Variants in LGR4 observed in about 807,000 individuals in gnomAD.
LGR4 encodes the protein leucine-rich repeat-containing G protein-coupled receptor 4.
A neutral mutation model predicts 84.8 loss-of-function variants in LGR4; 44 were observed. The ratio of observed to expected loss-of-function variants is 0.52; its 90% CI spans 0.41 to 0.67. LGR4 has a LOEUF of 0.67. Among genes scored for constraint, LGR4 ranks in the 30% least tolerant of loss-of-function variants. The pLI, the probability that LGR4 is intolerant of heterozygous loss-of-function variation, is 0.00. For missense variants in LGR4, 1,032 were observed against 1,131.4 expected, an observed-to-expected ratio of 0.91 and a Z score of 1.26; for synonymous variants, 429 against 434.3, an observed-to-expected ratio of 0.99 and a Z score of 0.15.
In LGR4 at chr11:27,385,479, C is replaced by A; in HGVS notation, c.402-11G>T. 2 of 1,552,362 alleles carry A rather than the reference C, an allele frequency of 1.3e-6. No homozygotes were observed. The highest frequency in any genetic ancestry group is 1.8e-6 in the Non-Finnish European group (2 of 1,136,908). ...TTGGCATCTAAACGCCTAACAGAAA[C>A]AAAAACAACCATGTTCAGTAACAAA... On this transcript the variant is annotated splice_polypyrimidine_tract_variant and intron_variant, in intron 4 of 17. Coordinates refer to ENST00000379214, the MANE Select transcript of LGR4 (RefSeq NM_018490.5).
At chr11:27,460,454 C>T (rs73448056) in intron 1 of LGR4, among the ~76,000 whole-genome samples, 1,669 of 152,266 alleles carry the variant, frequency 0.011, 30 homozygotes, top group African/African-American at 0.038. Flanking sequence ...CAGAGCAATA[C>T]CCAAATCCCC....
Position 27,382,209 on chromosome 11 carries a change from G to T in LGR4, c.737C>A (p.Ala246Asp). The T allele has an allele frequency of 6.2e-7, 1 of 1,608,932 alleles. No individual in the cohort carries two copies. The highest frequency in any genetic ancestry group is 8.5e-7 in the Non-Finnish European group (1 of 1,175,694). Residue 246 changes from alanine to aspartate, a missense_variant, in exon 7 of 18, where the codon GCC becomes GAC. Physicochemically the swap from Ala to Asp is moderately radical, Grantham distance 126. Transcript: ENST00000379214. Reference protein sequence around the residue: ...NLGEFPQAIKALPSLKELGFH... With the variant: ...NLGEFPQAIKDLPSLKELGFH... ...TCACAGCTCTTTAAGGCTAGGAAGG[G>T]CTTTAATAGCCTGAGGAAATTCCCC...
chr11:27,458,033 G>A (rs1864606449), intron 1 of LGR4, among the ~76,000 whole-genome samples: 2 of 152,154 alleles, frequency 1.3e-5, no homozygotes. Flanking sequence ...GGAGGGCTAA[G>A]GTAGGAGGAC....
intron 2 of LGR4, among the ~76,000 whole-genome samples, chr11:27,407,869 T>C (rs1046118851): frequency 1.3e-5 from 2 of 151,920 alleles, no homozygotes; most frequent in Non-Finnish European, 2.9e-5. Context: ...TACTCTCAAA[T>C]GGTTCAGAAA....
intron 10 of LGR4, chr11:27,379,209 C>G (rs1863044583): frequency 1.2e-5 from 2 of 167,688 alleles, no homozygotes; most frequent in African/African-American, 4.8e-5. Flanking sequence ...TGTAGTCTAT[C>G]ACCAGTTCCT....
chr11:27,453,751 A>C, intron 1 of LGR4, among the ~76,000 whole-genome samples: 1 of 152,346 alleles, frequency 6.6e-6, no homozygotes, highest in Admixed American at 6.5e-5. Flanking sequence ...CTCAGTAAGT[A>C]ATTATTATTT....
intron 1 of LGR4, among the ~76,000 whole-genome samples, chr11:27,437,698 T>TGTGTGTGTGTG (rs1864235625): frequency 8.6e-5 from 13 of 151,416 alleles, no homozygotes; most frequent in South Asian, 2.1e-4. Context: ...TGTGTGTGTG[T>TGTGTGTGTGTG]TTATGCTAAA....
At chr11:27,471,111 T>C (rs969223243) in intron 1 of LGR4, among the ~76,000 whole-genome samples, 6 of 152,066 alleles carry the variant, frequency 3.9e-5, no homozygotes, top group African/African-American at 9.7e-5. Flanking sequence ...ACAAAAACCC[T>C]ACCCTGTTCC....
At chr11:27,447,978 A>G (rs915224080) in intron 1 of LGR4, among the ~76,000 whole-genome samples, 4 of 152,218 alleles carry the variant, frequency 2.6e-5, no homozygotes, top group Admixed American at 2.0e-4. Flanking sequence ...CTAATGCTCC[A>G]TGTTAACATA....
At chr11:27,438,892 A>G (rs1864254498) in intron 1 of LGR4, among the ~76,000 whole-genome samples, 1 of 152,082 alleles carries the variant, frequency 6.6e-6, no homozygotes, top group Non-Finnish European at 1.5e-5. Context: ...ACCTCCAATA[A>G]CCACCTGAGC....
chr11:27,460,789 A>C (rs1241182418), intron 1 of LGR4, among the ~76,000 whole-genome samples: 1 of 152,158 alleles, frequency 6.6e-6, no homozygotes, highest in South Asian at 2.1e-4. Flanking sequence ...TGACATGGCT[A>C]TTGAAAGCAA....
Position 27,368,021 on chromosome 11 carries a change from G to A in LGR4, c.2702C>T (p.Thr901Ile). 6.2e-7 allele frequency: 1 copy of A among 1,609,696 alleles called. No homozygotes were observed. ...TGCATAATCAGAGTGGGCCGACTGT[G>A]TGCCACAGTCGGACCAGTAGCCCTC... Reference protein sequence around the residue: ...RPEGYWSDCGTQSAHSDYADE... With the variant: ...RPEGYWSDCGIQSAHSDYADE... The change falls in exon 18 of 18, where the codon ACA becomes ATA. Residue 901 changes from threonine to isoleucine, a missense_variant. Coordinates refer to ENST00000379214, the MANE Select transcript of LGR4 (RefSeq NM_018490.5).
At position 27,472,208 on chromosome 11, in the gene LGR4, GGCGCCGCGCAGAGAGGCGGCGCC is replaced by G. The variant is rs1864891091; in HGVS notation, c.72_94del (p.Ala25LeufsTer46). Reference sequence around the variant, plus strand: ...CCGACGGTCGCCGTCGCAGCTGCAGGGCGCCGCGCAGAGAGGCGGCGCCGCGCCGCTGGGCCCGGCCGAGCCGA... The same window carrying G: ...CCGACGGTCGCCGTCGCAGCTGCAGGGCGCCGCTGGGCCCGGCCGAGCCGA... On this transcript the variant is annotated frameshift_variant, in exon 1 of 18. Coordinates refer to ENST00000379214, the MANE Select transcript of LGR4 (RefSeq NM_018490.5). LOFTEE classifies it high-confidence loss of function. The G allele has an allele frequency of 7.2e-6, 10 of 1,390,358 alleles. No individual in the cohort carries two copies. The highest frequency in any genetic ancestry group is 3.0e-5 in the South Asian group (2 of 65,848). The allele number at this position is 1,390,358 out of a possible 1,614,324, so 86.1% of individuals were successfully genotyped here.
rs1445078206 is a variant in LGR4, at chr11:27,368,292, C to T, written c.2431G>A (p.Asp811Asn). 5.0e-6 allele frequency: 8 copies of T among 1,614,066 alleles called. No individual in the cohort carries two copies. The highest frequency in any genetic ancestry group is 6.8e-6 in the Non-Finnish European group (8 of 1,180,040). The change falls in exon 18 of 18, where the codon GAC becomes AAC. Residue 811 changes from aspartate to asparagine, a missense_variant. Asp to Asn is a conservative substitution (Grantham distance 23). Coordinates refer to ENST00000379214, the MANE Select transcript of LGR4 (RefSeq NM_018490.5). The stretch of plus-strand genomic sequence containing the variant: ...ACACGTCGCTTCAGTAACTTCCAGT[C>T]TTCTTTAAACTTTGGGTTGAAGAAA... ...YVFFNPKFKEDWKLLKRRVTK... is the reference protein window; with the variant it reads ...YVFFNPKFKENWKLLKRRVTK...
At chr11:27,430,552 AT>A (rs1864098312) in intron 1 of LGR4, among the ~76,000 whole-genome samples, 1 of 152,212 alleles carries the variant, frequency 6.6e-6, no homozygotes, top group African/African-American at 2.4e-5. Context: ...ATGGGCCTCC[AT>A]TATGAGCATC....
intron 6 of LGR4, among the ~76,000 whole-genome samples, chr11:27,382,997 C>T (rs773782409): frequency 9.2e-5 from 14 of 151,818 alleles, no homozygotes; most frequent in Non-Finnish European, 1.9e-4. Flanking sequence ...AGCCTGGTGA[C>T]AAAGCGAGAC....
In LGR4 at chr11:27,444,826, G is replaced by A. The variant is rs189205080; in HGVS notation, c.185+27292C>T. The stretch of plus-strand genomic sequence containing the variant: ...AAATACCTAGTTCTGCCCATAATTT[G>A]TTCTTCCCTCCCCCTCTCACAAGTA... On this transcript the variant is annotated intron_variant, in intron 1 of 17. Coordinates refer to ENST00000379214, the MANE Select transcript of LGR4 (RefSeq NM_018490.5). Among the ~76,000 whole-genome samples, 481 of 152,168 alleles carry A rather than the reference G, an allele frequency of 3.2e-3. 4 individuals are homozygous for A. Among genetic ancestry groups the A allele is most frequent in the African/African-American group, 0.011 (466 of 41,512 alleles).
At chr11:27,386,850 T>C (rs1358220335) in intron 4 of LGR4, among the ~76,000 whole-genome samples, 1 of 152,216 alleles carries the variant, frequency 6.6e-6, no homozygotes, top group African/African-American at 2.4e-5. Flanking sequence ...AGAATCTACC[T>C]AGAAACACAC....
At chr11:27,408,928 A>T (rs1413971487) in intron 2 of LGR4, among the ~76,000 whole-genome samples, 1 of 152,070 alleles carries the variant, frequency 6.6e-6, no homozygotes, top group African/African-American at 2.4e-5. Flanking sequence ...AGATTTCAGA[A>T]CCTTTCATGT....
Sources: allele counts gnomAD v4.1 joint callset (sites outside exome capture counted in the v4.1 genomes callset), GRCh38; gene constraint gnomAD v4.1.1; transcripts MANE v1.5; gene names NCBI Gene and HGNC (gene_info 2026-07-23, HGNC 2026-07-21).